Variants in OTOG observed in about 807,000 individuals in gnomAD.
OTOG encodes the protein otogelin.
OTOG carries 296 observed loss-of-function variants against 313.8 expected under a neutral mutation model. That is an observed-to-expected ratio of 0.94 (90% CI 0.86 to 1.04). OTOG has a LOEUF of 1.04. Among genes scored for constraint, OTOG ranks in the 50% least tolerant of loss-of-function variants. The pLI, the probability that OTOG is intolerant of heterozygous loss-of-function variation, is 0.00. For missense variants in OTOG, 3,948 were observed against 3,840.1 expected, an observed-to-expected ratio of 1.03 and a Z score of -0.74; for synonymous variants, 1,533 against 1,554.9, an observed-to-expected ratio of 0.99 and a Z score of 0.33.
chr11:17,575,275 C>A (rs1000117385), intron 20 of OTOG, among the ~76,000 whole-genome samples: 1 of 152,242 alleles, frequency 6.6e-6, no homozygotes. Flanking sequence ...CAGAGTTTAG[C>A]CCTCAGGGAG....
At chr11:17,574,084 C>T (rs1228853515) in intron 19 of OTOG, among the ~76,000 whole-genome samples, 3 of 152,178 alleles carry the variant, frequency 2.0e-5, no homozygotes, top group African/African-American at 7.2e-5. Flanking sequence ...CAGAAGCTCC[C>T]CAGGTGGCTT....
intron 38 of OTOG, among the ~76,000 whole-genome samples, chr11:17,613,338 T>C (rs552761100): frequency 1.4e-4 from 15 of 108,042 alleles, no homozygotes; most frequent in African/African-American, 5.8e-4. Flanking sequence ...CCTTCCTTCC[T>C]TCCTTCCTTC....
At chr11:17,560,287 G>T (rs993358935) in intron 12 of OTOG, among the ~76,000 whole-genome samples, 8 of 152,292 alleles carry the variant, frequency 5.3e-5, no homozygotes, top group Admixed American at 5.2e-4. Context: ...ACGCTCATAT[G>T]ACCAGTCTAA....
At chr11:17,548,128 A>AT in intron 2 of OTOG, 24 bp from the exon 3 acceptor site, 1 of 1,543,530 alleles carries the variant, frequency 6.5e-7, no homozygotes, top group African/African-American at 1.4e-5. Flanking sequence ...CCCCCCATCC[A>AT]TGCCAGACTC....
intron 53 of OTOG, among the ~76,000 whole-genome samples, 191 bp from the exon 54 acceptor site, chr11:17,643,270 G>A (rs1245274550): frequency 6.6e-6 from 1 of 152,232 alleles, no homozygotes; most frequent in Non-Finnish European, 1.5e-5. Flanking sequence ...AGGGGGCTAC[G>A]TGCAGCCTTA....
chr11:17,638,619 G>A (rs1305520271), intron 48 of OTOG, 70 bp downstream of exon 48: 4 of 1,510,300 alleles, frequency 2.6e-6, no homozygotes, highest in Non-Finnish European at 2.7e-6. Context: ...GATTGAGGGA[G>A]CCCGGCCTAC....
At position 17,576,055 on chromosome 11, in the gene OTOG, A is replaced by G. The variant is rs111959838; in HGVS notation, c.2487-501A>G. Among the ~76,000 whole-genome samples, 276 of 152,338 alleles carry G rather than the reference A, an allele frequency of 1.8e-3. 2 individuals are homozygous for G. The highest frequency in any genetic ancestry group is 6.2e-3 in the African/African-American group (257 of 41,566). ...CTTACAGAACCCCTGCGAAGAATCA[A>G]TGAGATTATGTATGCAGAGGGCCTG... is the stretch of plus-strand genomic sequence containing the variant. On this transcript the variant is annotated intron_variant, in intron 20 of 55. Coordinates refer to ENST00000399397, the MANE Select transcript of OTOG (RefSeq NM_001292063.2).
At position 17,610,459 on chromosome 11, in the gene OTOG, T is replaced by C; in HGVS notation, c.5159T>C (p.Val1720Ala). ...SPLATRSLEI[V>A]LSTEKGEAGH... ...CTTGCAACCAGGAGCTTGGAGATAGTGCTATCCACAGAGAAGGGCGAAGCC... is the reference window on the plus strand; with the variant it reads ...CTTGCAACCAGGAGCTTGGAGATAGCGCTATCCACAGAGAAGGGCGAAGCC... The change falls in exon 36 of 56, where the codon GTG becomes GCG. Residue 1720 changes from valine (V) to alanine (A), a missense_variant. Transcript: ENST00000399397. 1 of 1,550,526 alleles carries C rather than the reference T, an allele frequency of 6.4e-7. No homozygotes were observed. The highest frequency in any genetic ancestry group is 8.7e-7 in the Non-Finnish European group (1 of 1,146,958).
chr11:17,596,239 C>T (rs1565109411), intron 29 of OTOG, 85 bp downstream of exon 29: 1 of 972,220 alleles, frequency 1.0e-6, no homozygotes, highest in South Asian at 1.4e-5. Context: ...CCCCATGTCT[C>T]AGAGGAGACA....
At chr11:17,612,512 G>A (rs1444840459) in intron 37 of OTOG, 108 bp from the exon 38 acceptor site, 1 of 1,422,602 alleles carries the variant, frequency 7.0e-7, no homozygotes, top group Non-Finnish European at 9.3e-7. Flanking sequence ...CAGACCCCAG[G>A]CCTCTGCATC....
chr11:17,596,046 C>G lies in OTOG; in HGVS notation c.3417C>G (p.Asp1139Glu). ...GSSWAAVECPDTLDPRDMCVL... is the reference protein window; with the variant it reads ...GSSWAAVECPETLDPRDMCVL... ...CTGCCTTTGCCCCTCAGTGCCCAGACACCCTCGATCCTCGGGATATGTGTG... is the reference window on the plus strand; with the variant it reads ...CTGCCTTTGCCCCTCAGTGCCCAGAGACCCTCGATCCTCGGGATATGTGTG... The change falls in exon 29 of 56, where the codon GAC becomes GAG. Residue 1139 changes from aspartate (D) to glutamate (E), a missense_variant. Physicochemically the swap from Asp to Glu is conservative, Grantham distance 45. Coordinates refer to ENST00000399397, the MANE Select transcript of OTOG (RefSeq NM_001292063.2). The G allele has an allele frequency of 1.3e-6, 2 of 1,550,686 alleles. No individual in the cohort carries two copies. The highest frequency in any genetic ancestry group is 2.4e-5 in the South Asian group (2 of 84,050).
chr11:17,633,995 C>T, intron 43 of OTOG, 74 bp from the exon 44 acceptor site: 1 of 1,493,900 alleles, frequency 6.7e-7, no homozygotes, highest in Non-Finnish European at 8.9e-7. Context: ...GCCAGTAAAC[C>T]AGGGAGAGTC....
chr11:17,573,003 G>A (rs1488911248), intron 18 of OTOG, 75 bp from the exon 19 acceptor site: 29 of 1,343,442 alleles, frequency 2.2e-5, no homozygotes, highest in South Asian at 5.6e-5. Flanking sequence ...GCCATGGGGA[G>A]GGAGAGAGGC....
At chr11:17,576,521 C>T (rs1852529996) in intron 20 of OTOG, 35 bp from the exon 21 acceptor site, 3 of 1,516,062 alleles carry the variant, frequency 2.0e-6, no homozygotes, top group African/African-American at 1.4e-5. Context: ...AGCTCCTGAG[C>T]CTGCTCACCT....
At chr11:17,574,614 C>A in intron 19 of OTOG, 106 bp from the exon 20 acceptor site, 1 of 1,194,902 alleles carries the variant, frequency 8.4e-7, no homozygotes, top group Non-Finnish European at 1.2e-6. Context: ...AGACAAATGT[C>A]TGAACTTCTC....
chr11:17,604,757 T>C (rs1344731640), intron 32 of OTOG, among the ~76,000 whole-genome samples: 1 of 152,244 alleles, frequency 6.6e-6, no homozygotes, highest in East Asian at 1.9e-4. Flanking sequence ...AAATATTTGC[T>C]GCTGAATGAA....
At chr11:17,626,237 A>T (rs764295377) in intron 39 of OTOG, among the ~76,000 whole-genome samples, 8 of 152,176 alleles carry the variant, frequency 5.3e-5, no homozygotes, top group African/African-American at 1.9e-4. Context: ...GTGCAGTGGC[A>T]CGATCTTGGC....
intron 39 of OTOG, among the ~76,000 whole-genome samples, chr11:17,628,430 A>G (rs978925354): frequency 6.6e-6 from 1 of 152,136 alleles, no homozygotes; most frequent in Non-Finnish European, 1.5e-5. Context: ...TTCAGTGTAA[A>G]ACTATTGTAA....
intron 44 of OTOG, among the ~76,000 whole-genome samples, 154 bp from the exon 45 acceptor site, chr11:17,634,690 C>T (rs1590057701): frequency 6.6e-6 from 1 of 152,026 alleles, no homozygotes; most frequent in Non-Finnish European, 1.5e-5. Flanking sequence ...TCGTGTGACC[C>T]TCAATGACCT....
Sources: gnomAD v4.1 joint callset for allele counts (sites outside exome capture counted in the v4.1 genomes callset) on GRCh38, gnomAD v4.1.1 for gene constraint, MANE v1.5 for transcripts, NCBI Gene and HGNC (gene_info 2026-07-23, HGNC 2026-07-21) for gene names.